The following ABCA9 variants were observed in gnomAD, a reference collection of about 807,000 sequenced individuals.
ABCA9 encodes ATP-binding cassette sub-family A member 9.
Under a neutral mutation model 205.3 loss-of-function variants are expected in ABCA9, and 183 were observed. That is an observed-to-expected ratio of 0.89 (90% CI 0.79 to 1.01). ABCA9 has a LOEUF of 1.01. Ranked by LOEUF, ABCA9 falls within the 50% of genes least tolerant of loss-of-function variation. ABCA9 has a pLI of 0.00. For missense variants in ABCA9, 1,805 were observed against 1,912.4 expected (o/e 0.94, Z 1.05); for synonymous variants, 651 against 683.3 (o/e 0.95, Z 0.74).
Position 68,992,189 on chromosome 17 carries a change from C to A in ABCA9, c.3702G>T (p.Lys1234Asn). 6.3e-7 allele frequency: 1 copy of A among 1,587,320 alleles called. No homozygotes were observed. Residue 1234 changes from lysine to asparagine, a missense_variant, in exon 28 of 39, where the codon AAG becomes AAT. Lys to Asn is a moderately conservative substitution (Grantham distance 94, BLOSUM62 0). Transcript: ENST00000340001. ...EMNCRKKLMR[K>N]DPVFRISPRS... ...ATTTTCTCAACCTGAACACAGGATC[C>A]TTTCTCATTAGTTTCTTCCTGCAGT...
chr17:68,980,025 A>C (rs2068999147), intron 37 of ABCA9, among the ~76,000 whole-genome samples: 4 of 152,240 alleles, frequency 2.6e-5, no homozygotes. Context: ...AAATTTTTGC[A>C]ATCTACTCAT....
At position 68,975,075 on chromosome 17, in the gene ABCA9, T is replaced by C. The variant is rs2068862773; in HGVS notation, c.*840A>G. The C allele has an allele frequency of 6.6e-6, 1 of 152,100 alleles. No individual in the cohort carries two copies. The allele number at this position is 152,100 out of a possible 1,614,324, so 9.4% of individuals were successfully genotyped here. Reference sequence around the variant, plus strand: ...GTGTCCATGTATTCTCATTGTTCAATTCCCACTTATGAGTGAGAACATGCG... The same window carrying C: ...GTGTCCATGTATTCTCATTGTTCAACTCCCACTTATGAGTGAGAACATGCG... On this transcript the variant is annotated 3_prime_UTR_variant, in exon 39 of 39. Coordinates refer to ENST00000340001, the MANE Select transcript of ABCA9 (RefSeq NM_080283.4).
At position 68,976,197 on chromosome 17, in the gene ABCA9, A is replaced by C; in HGVS notation, c.4721-7T>G. ...AGGTCGAAACTCTGTTTAACTGCAT[A>C]AGAATGAGCATACATTAGGAATTCT... is the stretch of plus-strand genomic sequence containing the variant. On this transcript the variant is annotated splice_region_variant and splice_polypyrimidine_tract_variant and intron_variant, in intron 37 of 38. Coordinates refer to ENST00000340001, the MANE Select transcript of ABCA9 (RefSeq NM_080283.4). The C allele has an allele frequency of 6.2e-7, 1 of 1,613,006 alleles. No homozygotes were observed. Among genetic ancestry groups the C allele is most frequent in the Non-Finnish European group, 8.5e-7 (1 of 1,179,412 alleles).
At position 68,984,819 on chromosome 17, in the gene ABCA9, A is replaced by G. The variant is rs138791482; in HGVS notation, c.4379+66T>C. On this transcript the variant is annotated intron_variant, in intron 34 of 38. Transcript: ENST00000340001. ...TCTTTTCCTTTCTAAGTAAACAATGATTTTGCAGGCCAGTTTTCACAGGAT... is the reference window on the plus strand; with the variant it reads ...TCTTTTCCTTTCTAAGTAAACAATGGTTTTGCAGGCCAGTTTTCACAGGAT... 4.6e-5 allele frequency: 73 copies of G among 1,593,924 alleles called. No individual in the cohort carries two copies. In the African/African-American group the frequency reaches 9.0e-4, roughly 20 times the overall value.
Position 68,976,156 on chromosome 17 carries a change from G to A in ABCA9, c.4755C>T (p.Leu1585=), listed in dbSNP as rs1567906316. The change falls in exon 38 of 39, where the codon CTC becomes CTT. Residue 1585 remains leucine, a synonymous_variant. Transcript: ENST00000340001. ...KQSFDLEEYS[L]SQSTLEQVFL... ...CCACCTGCTCCAGGGTAGACTGTGA[G>A]AGGCTGTACTCCTCCAGGTCGAAAC... is the stretch of plus-strand genomic sequence containing the variant. 1 of 1,614,084 alleles carries A rather than the reference G, an allele frequency of 6.2e-7. No individual in the cohort carries two copies. The highest frequency in any genetic ancestry group is 2.2e-5 in the East Asian group (1 of 44,872).
In ABCA9 at chr17:68,975,857, A is replaced by G. The variant is rs1207633517; in HGVS notation, c.*58T>C. ...CTGATATAAGGCATATTAAGGCTAT[A>G]AAATATTATCTTTAAAAGAGTCACA... On this transcript the variant is annotated 3_prime_UTR_variant, in exon 39 of 39. Coordinates refer to ENST00000340001, the MANE Select transcript of ABCA9 (RefSeq NM_080283.4). The G allele has an allele frequency of 1.6e-5, 22 of 1,334,290 alleles. No individual in the cohort carries two copies. The highest frequency in any genetic ancestry group is 2.3e-5 in the Non-Finnish European group (22 of 949,394). 82.7% of individuals were successfully genotyped at this position (1,334,290 alleles called of 1,614,324 possible).
At chr17:69,078,879 A>T in the ABCA9 span, 3 of 715,700 alleles carry the variant, frequency 4.2e-6, no homozygotes, top group Non-Finnish European at 6.4e-6. Flanking sequence ...CCTGATGTTA[A>T]TTTTAAATGA....
intron 6 of ABCA9, among the ~76,000 whole-genome samples, chr17:69,037,581 T>C (rs1019052779): frequency 1.3e-5 from 2 of 152,006 alleles, no homozygotes; most frequent in Admixed American, 6.5e-5. Context: ...TAGAGGAAAA[T>C]TAATAGCACT....
At chr17:69,030,542 C>A (rs1009565215) in intron 10 of ABCA9, among the ~76,000 whole-genome samples, 5 of 152,170 alleles carry the variant, frequency 3.3e-5, no homozygotes, top group Non-Finnish European at 1.5e-5. Context: ...CGAAGAGGTA[C>A]AATCCAGTTA....
At chr17:68,986,628 A>C (rs931119728) in intron 31 of ABCA9, 11 of 247,274 alleles carry the variant, frequency 4.4e-5, no homozygotes, top group African/African-American at 2.4e-4. Flanking sequence ...CATTCAAAGG[A>C]ATAGATACTT....
At chr17:68,985,157 T>C in intron 32 of ABCA9, 29 bp from the exon 33 acceptor site, 1 of 1,599,614 alleles carries the variant, frequency 6.3e-7, no homozygotes. Context: ...ATCCACATAA[T>C]CCCAACACTG....
chr17:69,045,014 C>G (rs564538213), intron 4 of ABCA9, among the ~76,000 whole-genome samples, 158 bp downstream of exon 4: 2 of 152,132 alleles, frequency 1.3e-5, no homozygotes, highest in East Asian at 3.9e-4. Context: ...AGCACATAAG[C>G]TTCATTTAAT....
chr17:68,988,275 C>T (rs375914279), intron 31 of ABCA9, among the ~76,000 whole-genome samples: 2 of 152,146 alleles, frequency 1.3e-5, no homozygotes, highest in African/African-American at 4.8e-5. Context: ...CAAACTTGGC[C>T]TAGACATACC....
At chr17:68,985,853 A>T (rs1314653940) in intron 32 of ABCA9, among the ~76,000 whole-genome samples, 1 of 152,132 alleles carries the variant, frequency 6.6e-6, no homozygotes, top group African/African-American at 2.4e-5. Context: ...GCTACTAGGG[A>T]GGCTGAGGCA....
chr17:69,014,476 T>G (rs1434506247), intron 22 of ABCA9, among the ~76,000 whole-genome samples: 1 of 152,068 alleles, frequency 6.6e-6, no homozygotes, highest in African/African-American at 2.4e-5. Flanking sequence ...GTCCCAAACG[T>G]TTCAGATAAG....
chr17:69,076,054 T>C, the ABCA9 span, among the ~76,000 whole-genome samples: 4 of 152,194 alleles, frequency 2.6e-5, no homozygotes, highest in African/African-American at 7.2e-5. Context: ...TTCAGTACTA[T>C]GTTGAATAGG....
In ABCA9 at chr17:68,990,800, A is replaced by C. The variant is rs537792652; in HGVS notation, c.3837+37T>G. The C allele has an allele frequency of 3.1e-6, 5 of 1,594,698 alleles. No individual in the cohort carries two copies. The African/African-American group carries it at 6.8e-5, about 22-fold the overall frequency. ...AAGTTTCTCACTTTATCTGTCAGAA[A>C]AAAAAATAGTTGACGAAGAACATTT... On this transcript the variant is annotated intron_variant, in intron 29 of 38. Transcript: ENST00000340001.
At chr17:69,004,373 CT>C (rs2070026979) in intron 25 of ABCA9, among the ~76,000 whole-genome samples, 1 of 152,178 alleles carries the variant, frequency 6.6e-6, no homozygotes, top group African/African-American at 2.4e-5. Flanking sequence ...TTGGAGTACC[CT>C]GCAGTGTGAG....
At position 69,045,310 on chromosome 17, in the gene ABCA9, C is replaced by A; in HGVS notation, c.331G>T (p.Glu111Ter). Residue 111 changes from glutamate to a stop codon, truncating the protein, a stop_gained, in exon 4 of 39, where the codon GAA (glutamate) becomes TAA (stop). Transcript: ENST00000340001. LOFTEE classifies it high-confidence loss of function. ...AAATCCAATTCATCCATGCTTTTTT[C>A]ATCAGGCCACCCCATGATTGTTCTT... ...KGRTIMGWPD[E>*]KSMDELDLNY... The A allele has an allele frequency of 3.7e-6, 6 of 1,611,986 alleles. No homozygotes were observed. The highest frequency in any genetic ancestry group is 5.1e-6 in the Non-Finnish European group (6 of 1,179,026).
Sources: gnomAD v4.1 joint callset for allele counts (sites outside exome capture counted in the v4.1 genomes callset) on GRCh38, gnomAD v4.1.1 for gene constraint, MANE v1.5 for transcripts, NCBI Gene and HGNC (gene_info 2026-07-23, HGNC 2026-07-21) for gene names.